The following IL1RAPL2 variants were observed in gnomAD, a reference collection of about 807,000 sequenced individuals.
IL1RAPL2 encodes interleukin 1 receptor accessory protein like 2.
In IL1RAPL2, 3 loss-of-function variants were observed where a neutral mutation model predicts 44.1. That is an observed-to-expected ratio of 0.07 (90% CI 0.03 to 0.18). IL1RAPL2 has a LOEUF of 0.18. Ranked by LOEUF, IL1RAPL2 falls within the 10% of genes least tolerant of loss-of-function variation. The pLI is 1.00. For synonymous variants in IL1RAPL2, 181 were observed against 178.8 expected, an observed-to-expected ratio of 1.01 and a Z score of -0.10; for missense variants, 391 against 496.4, an observed-to-expected ratio of 0.79 and a Z score of 2.02.
intron 6 of IL1RAPL2, among the ~76,000 whole-genome samples, chrX:105,671,341 T>C (rs2037823130): frequency 8.9e-6 from 1 of 112,585 alleles, no homozygotes; most frequent in Non-Finnish European, 1.9e-5. Context: ...CCTGAAACAT[T>C]GCTAAACAAC....
chrX:105,403,064 A>C (rs1199189246), intron 5 of IL1RAPL2, among the ~76,000 whole-genome samples: 1 of 111,940 alleles, frequency 8.9e-6, no homozygotes, highest in Non-Finnish European at 1.9e-5. Context: ...TGTGTGGTTC[A>C]TATTGAACTG....
chrX:105,008,525 G>T (rs1319139431), intron 2 of IL1RAPL2, among the ~76,000 whole-genome samples: 1 of 110,976 alleles, frequency 9.0e-6, no homozygotes, highest in Non-Finnish European at 1.9e-5. Flanking sequence ...TTAATAAATG[G>T]TGCTGGGAAA....
chrX:104,805,836 A>G (rs1932919157), intron 2 of IL1RAPL2, among the ~76,000 whole-genome samples: 1 of 112,052 alleles, frequency 8.9e-6, no homozygotes, highest in Middle Eastern at 4.2e-3. Context: ...AGATGAAGCC[A>G]AGACTCCAAG....
At chrX:105,479,413 A>G (rs1279720964) in intron 5 of IL1RAPL2, among the ~76,000 whole-genome samples, 1 of 111,346 alleles carries the variant, frequency 9.0e-6, no homozygotes, top group Admixed American at 9.6e-5. Context: ...TAAGTTGTCT[A>G]TAGCATCAAT....
At chrX:104,731,372 A>G (rs1371405122) in intron 2 of IL1RAPL2, among the ~76,000 whole-genome samples, 1 of 110,569 alleles carries the variant, frequency 9.0e-6, no homozygotes, top group Non-Finnish European at 1.9e-5. Context: ...TAAGTCTTTA[A>G]TCCATCTTGA....
intron 2 of IL1RAPL2, among the ~76,000 whole-genome samples, chrX:104,720,557 C>G (rs1406012831): frequency 9.0e-6 from 1 of 111,377 alleles, no homozygotes; most frequent in Non-Finnish European, 1.9e-5. Flanking sequence ...GCAATTGCTA[C>G]TAGCTGGGCA....
intron 9 of IL1RAPL2, among the ~76,000 whole-genome samples, chrX:105,754,281 T>C (rs1374440424): frequency 8.9e-6 from 1 of 112,304 alleles, no homozygotes; most frequent in Non-Finnish European, 1.9e-5. Context: ...TTTTTCAGTA[T>C]GGATGTGGCC....
intron 6 of IL1RAPL2, among the ~76,000 whole-genome samples, chrX:105,693,711 C>G (rs2038054637): frequency 9.0e-6 from 1 of 111,626 alleles, no homozygotes; most frequent in African/African-American, 3.3e-5. Flanking sequence ...CCAATCACAA[C>G]AGTCCTTATA....
chrX:105,101,522 A>G (rs1413801634), intron 2 of IL1RAPL2, among the ~76,000 whole-genome samples: 1 of 111,784 alleles, frequency 8.9e-6, no homozygotes, highest in Non-Finnish European at 1.9e-5. Flanking sequence ...TTTGCATGTT[A>G]AGCCCTTACC....
At chrX:105,033,206 G>A (rs914872991) in intron 2 of IL1RAPL2, among the ~76,000 whole-genome samples, 2 of 111,546 alleles carry the variant, frequency 1.8e-5, no homozygotes, top group Non-Finnish European at 3.8e-5. Flanking sequence ...CTTAATTGGA[G>A]CATTTAGCCC....
chrX:105,363,307 TA>T lies in IL1RAPL2; in HGVS notation c.697+95768del, dbSNP rs1215813260. On this transcript the variant is annotated intron_variant, in intron 5 of 10. Transcript: ENST00000372582. ...TATATATAATATATATATATATATATAATATATATATATATATATATATTCT... is the reference window on the plus strand; with the variant it reads ...TATATATAATATATATATATATATATATATATATATATATATATATATTCT... Among the ~76,000 whole-genome samples the T allele has an allele frequency of 5.9e-3, 422 of 71,872 alleles. 7 individuals are homozygous for T. Among genetic ancestry groups the T allele is most frequent in the African/African-American group, 0.05 (384 of 7,649 alleles). The allele number at this position is 71,872 out of a possible 115,157, so 62.4% of individuals were successfully genotyped here.
At chrX:104,677,952 G>A (rs1306085003) in intron 2 of IL1RAPL2, among the ~76,000 whole-genome samples, 2 of 112,255 alleles carry the variant, frequency 1.8e-5, no homozygotes, top group Non-Finnish European at 3.8e-5. Flanking sequence ...ACCCTGCTTC[G>A]GCTCGCGCAT....
intron 1 of IL1RAPL2, among the ~76,000 whole-genome samples, chrX:104,648,194 A>G (rs770913852): frequency 2.2e-4 from 25 of 111,629 alleles, no homozygotes; most frequent in African/African-American, 7.8e-4. Context: ...AGATCTACCC[A>G]TGTCTATCCA....
At chrX:105,424,250 TAAATC>T (rs1257598421) in intron 5 of IL1RAPL2, among the ~76,000 whole-genome samples, 1 of 111,888 alleles carries the variant, frequency 8.9e-6, no homozygotes, top group Non-Finnish European at 1.9e-5. Flanking sequence ...ACATGAGACA[TAAATC>T]AACATATGTA....
At chrX:105,076,740 A>G (rs1410540761) in intron 2 of IL1RAPL2, among the ~76,000 whole-genome samples, 2 of 111,659 alleles carry the variant, frequency 1.8e-5, no homozygotes, top group Admixed American at 9.5e-5. Flanking sequence ...TATTGGGTGC[A>G]TATATATTTA....
intron 6 of IL1RAPL2, among the ~76,000 whole-genome samples, chrX:105,615,407 T>C (rs1250418331): frequency 2.7e-5 from 3 of 112,018 alleles, no homozygotes; most frequent in African/African-American, 9.7e-5. Context: ...CTATTCACAA[T>C]GGCCAAGATT....
At chrX:105,070,713 AT>A (rs1411780321) in intron 2 of IL1RAPL2, among the ~76,000 whole-genome samples, 12 of 105,502 alleles carry the variant, frequency 1.1e-4, no homozygotes, top group South Asian at 4.0e-4. Context: ...AAATAAAAAA[AT>A]ATATATATAT....
rs996868603 is a variant in IL1RAPL2, at chrX:105,269,861, C to T, written c.697+2320C>T. Reference sequence around the variant, plus strand: ...AACCAGAATAAAGTAAATACGAAACCTCCTTTTCACTCACATCAAATGGGT... The same window carrying T: ...AACCAGAATAAAGTAAATACGAAACTTCCTTTTCACTCACATCAAATGGGT... On this transcript the variant is annotated intron_variant, in intron 5 of 10. Coordinates refer to ENST00000372582, the MANE Select transcript of IL1RAPL2 (RefSeq NM_017416.2). 3.6e-5 allele frequency among the ~76,000 whole-genome samples: 4 copies of T among 111,990 alleles called. No individual in the cohort carries two copies. In the Admixed American group the frequency reaches 3.8e-4, roughly 11 times the overall value.
chrX:104,913,100 A>G (rs1479695129), intron 2 of IL1RAPL2, among the ~76,000 whole-genome samples: 1 of 111,942 alleles, frequency 8.9e-6, no homozygotes, highest in Non-Finnish European at 1.9e-5. Flanking sequence ...CACAGAGACT[A>G]TGCAATCAAA....
Sources: allele counts gnomAD v4.1 joint callset (sites outside exome capture counted in the v4.1 genomes callset), GRCh38; gene constraint gnomAD v4.1.1; transcripts MANE v1.5; gene names NCBI Gene and HGNC (gene_info 2026-07-23, HGNC 2026-07-21).